NR5A2: variants seen among roughly 807,000 people sequenced by gnomAD.
NR5A2 encodes the protein CYP7A promoter-binding factor.
Under a neutral mutation model 62.7 loss-of-function variants are expected in NR5A2, and 26 were observed. That is an observed-to-expected ratio of 0.41 (90% CI 0.30 to 0.58). The LOEUF (loss-of-function observed/expected upper bound fraction) is 0.58, where lower values mean the gene tolerates loss of function less well. Ranked by LOEUF, NR5A2 falls within the 20% of genes least tolerant of loss-of-function variation. NR5A2 has a pLI of 0.22. For missense variants in NR5A2, 541 were observed against 669.1 expected (o/e 0.81, Z 2.11); for synonymous variants, 246 against 241.7 (o/e 1.02, Z -0.16).
intron 5 of NR5A2, among the ~76,000 whole-genome samples, chr1:200,053,634 A>G (rs1662770509): frequency 1.3e-5 from 2 of 151,524 alleles, no homozygotes; most frequent in Admixed American, 6.6e-5. Flanking sequence ...TTTGACTCCA[A>G]AGAAAACAGT....
At chr1:200,041,085 G>C (rs954039663) in intron 2 of NR5A2, among the ~76,000 whole-genome samples, 2 of 152,154 alleles carry the variant, frequency 1.3e-5, no homozygotes, top group Non-Finnish European at 2.9e-5. Flanking sequence ...AGTGGCGCTG[G>C]GGGGCTGGGT....
intron 7 of NR5A2, among the ~76,000 whole-genome samples, chr1:200,133,772 T>A (rs1667094967): frequency 6.6e-6 from 1 of 151,910 alleles, no homozygotes; most frequent in Admixed American, 6.6e-5. Context: ...TACCTATGTA[T>A]ATAAAAGAAA....
chr1:200,090,684 A>G (rs1664772093), intron 5 of NR5A2, among the ~76,000 whole-genome samples: 1 of 152,172 alleles, frequency 6.6e-6, no homozygotes, highest in South Asian at 2.1e-4. Context: ...CATCCAGGGG[A>G]ACAAAAACCC....
chr1:200,124,875 C>A (rs546905580), intron 7 of NR5A2, among the ~76,000 whole-genome samples: 1 of 152,074 alleles, frequency 6.6e-6, no homozygotes, highest in Non-Finnish European at 1.5e-5. Flanking sequence ...TCACTCCAGC[C>A]TGGGCAACGG....
chr1:200,157,602 A>C (rs1313074050), intron 7 of NR5A2, among the ~76,000 whole-genome samples: 1 of 152,244 alleles, frequency 6.6e-6, no homozygotes, highest in Non-Finnish European at 1.5e-5. Flanking sequence ...GGTTACACAA[A>C]TACAAAACAA....
chr1:200,037,457 G>A (rs190440299), intron 1 of NR5A2, among the ~76,000 whole-genome samples: 3 of 152,104 alleles, frequency 2.0e-5, no homozygotes, highest in South Asian at 2.1e-4. Flanking sequence ...TAAATTCTTC[G>A]CATTGCTGTG....
At chr1:200,105,174 G>T (rs746848162) in intron 5 of NR5A2, among the ~76,000 whole-genome samples, 1 of 151,938 alleles carries the variant, frequency 6.6e-6, no homozygotes, top group Non-Finnish European at 1.5e-5. Flanking sequence ...TGCCCAGGTT[G>T]GTCTTGAATT....
At position 200,034,206 on chromosome 1, in the gene NR5A2, A is replaced by C. The variant is rs907994758; in HGVS notation, c.65-5452A>C. Among the ~76,000 whole-genome samples, 6 of 152,284 alleles carry C rather than the reference A, an allele frequency of 3.9e-5. 1 individual carries two copies. Among genetic ancestry groups the C allele is most frequent in the African/African-American group, 1.4e-4 (6 of 41,574 alleles). On this transcript the variant is annotated intron_variant, in intron 1 of 7. Coordinates refer to ENST00000367362, the MANE Select transcript of NR5A2 (RefSeq NM_205860.3). ...AGTTTCACAAGGTGCTTTGTGGCCTACTAGCGCCGGGATCGTCGTTCTGTT... is the reference window on the plus strand; with the variant it reads ...AGTTTCACAAGGTGCTTTGTGGCCTCCTAGCGCCGGGATCGTCGTTCTGTT...
chr1:200,170,353 T>C (rs1431072325), intron 7 of NR5A2, among the ~76,000 whole-genome samples: 1 of 152,244 alleles, frequency 6.6e-6, no homozygotes, highest in African/African-American at 2.4e-5. Context: ...TTTAAATTTC[T>C]ATTTATATGG....
chr1:200,058,838 G>C (rs72739186), intron 5 of NR5A2, among the ~76,000 whole-genome samples: 9,212 of 149,058 alleles, frequency 0.062, 378 homozygotes, highest in African/African-American at 0.1. Context: ...AGACAGGTGC[G>C]GTGGCTCATG....
intron 7 of NR5A2, among the ~76,000 whole-genome samples, chr1:200,136,467 C>T (rs1180927462): frequency 2.0e-5 from 3 of 152,158 alleles, no homozygotes; most frequent in East Asian, 3.9e-4. Flanking sequence ...GTACATTATA[C>T]CTGTTGTTTC....
chr1:200,147,775 CGGATG>C lies in NR5A2; in HGVS notation c.1379-26187_1379-26183del. 2.3e-4 allele frequency: 2 copies of C among 8,810 alleles called. No homozygotes were observed. Among genetic ancestry groups the C allele is most frequent in the Non-Finnish European group, 8.3e-4 (2 of 2,412 alleles). The allele number at this position is 8,810 out of a possible 1,614,324, so 0.5% of individuals were successfully genotyped here. A position where few individuals can be genotyped will look rare whatever the true frequency, so the allele number is the denominator to read the frequency against. On this transcript the variant is annotated intron_variant, in intron 7 of 7. Transcript: ENST00000367362. This position sits in a 1 kb window ranked among gnomAD's most constrained non-coding sequence, Gnocchi z 4.9. The stretch of plus-strand genomic sequence containing the variant: ...GCGGATGCCGGCGCGAATGCCGGCA[CGGATG>C]CCGGCACGGTGGGCAGCCGCCGTGG...
chr1:200,101,965 A>G (rs1665392756), intron 5 of NR5A2, among the ~76,000 whole-genome samples: 1 of 152,218 alleles, frequency 6.6e-6, no homozygotes, highest in Non-Finnish European at 1.5e-5. Flanking sequence ...TGGTGATTAT[A>G]TGTTTCTTCA....
At chr1:200,129,234 C>G (rs1335746221) in intron 7 of NR5A2, among the ~76,000 whole-genome samples, 1 of 146,882 alleles carries the variant, frequency 6.8e-6, no homozygotes, top group Non-Finnish European at 1.5e-5. Flanking sequence ...GAGACTCTCT[C>G]TCTCTCTGAA....
At position 200,074,428 on chromosome 1, in the gene NR5A2, A is replaced by G. The variant is rs1391152594; in HGVS notation, c.1110+25610A>G. ...AAAGAAAAAAAAAAGAAAAAAAAAC[A>G]AGAAAGAGAGAAAGAAAGAAGAAAA... is the stretch of plus-strand genomic sequence containing the variant. On this transcript the variant is annotated intron_variant, in intron 5 of 7. Coordinates refer to ENST00000367362, the MANE Select transcript of NR5A2 (RefSeq NM_205860.3). Among the ~76,000 whole-genome samples the G allele has an allele frequency of 3.3e-5, 5 of 151,466 alleles. No homozygotes were observed. In the East Asian group the frequency reaches 9.7e-4, roughly 29 times the overall value.
intron 5 of NR5A2, among the ~76,000 whole-genome samples, chr1:200,084,707 A>G (rs1664446517): frequency 6.6e-6 from 1 of 152,240 alleles, no homozygotes; most frequent in African/African-American, 2.4e-5. Context: ...TTTTCATTAA[A>G]AATGCATTAA....
chr1:200,141,556 A>G (rs1558163981), intron 7 of NR5A2, among the ~76,000 whole-genome samples: 1 of 152,238 alleles, frequency 6.6e-6, no homozygotes, highest in African/African-American at 2.4e-5. Flanking sequence ...GGTACTACAA[A>G]TAAGCTGCTA....
At chr1:200,036,472 G>A (rs1321981474) in intron 1 of NR5A2, among the ~76,000 whole-genome samples, 3 of 152,208 alleles carry the variant, frequency 2.0e-5, no homozygotes, top group Admixed American at 2.0e-4. Flanking sequence ...TGCACTTGGA[G>A]GGCAGTAATG....
intron 7 of NR5A2, among the ~76,000 whole-genome samples, chr1:200,127,324 A>C (rs1339128264): frequency 6.6e-6 from 1 of 152,212 alleles, no homozygotes; most frequent in Non-Finnish European, 1.5e-5. Flanking sequence ...TTTTTTTTCA[A>C]TAAATACAGT....
Sources: allele counts gnomAD v4.1 joint callset (sites outside exome capture counted in the v4.1 genomes callset), GRCh38; gene constraint gnomAD v4.1.1; non-coding constraint Gnocchi (gnomAD v3.1); transcripts MANE v1.5; gene names NCBI Gene and HGNC (gene_info 2026-07-23, HGNC 2026-07-21).